Variants in FAM135B observed in about 807,000 individuals in gnomAD.
The protein encoded by FAM135B is protein FAM135B.
Under a neutral mutation model 127.7 loss-of-function variants are expected in FAM135B, and 43 were observed. The ratio of observed to expected loss-of-function variants is 0.34; its 90% CI spans 0.26 to 0.43. The LOEUF is 0.43. Among genes scored for constraint, FAM135B ranks in the 20% least tolerant of loss-of-function variants. FAM135B has a pLI of 1.00. For missense variants in FAM135B, 1,558 were observed against 1,725.6 expected, an observed-to-expected ratio of 0.90 and a Z score of 1.72; for synonymous variants, 670 against 665.1, an observed-to-expected ratio of 1.01 and a Z score of -0.11.
chr8:138,158,576 A>G lies in FAM135B; in HGVS notation c.1259-5360T>C, dbSNP rs532029723. ...GGGCTAAGATCAAGAATCTACAAAG[A>G]ACTTAAACAAATTTACAAGAAAAAA... On this transcript the variant is annotated intron_variant, in intron 12 of 19. Coordinates refer to ENST00000395297, the MANE Select transcript of FAM135B (RefSeq NM_015912.4). Among the ~76,000 whole-genome samples the G allele has an allele frequency of 7.2e-5, 11 of 152,338 alleles. No homozygotes were observed. The East Asian group carries it at 1.5e-3, about 21-fold the overall frequency.
intron 1 of FAM135B, among the ~76,000 whole-genome samples, chr8:138,378,202 G>C (rs1003914016): frequency 1.3e-5 from 2 of 152,196 alleles, no homozygotes; most frequent in Non-Finnish European, 2.9e-5. Flanking sequence ...CCTGAGCAGA[G>C]AAAGTCAAGT....
At chr8:138,295,029 T>C (rs1825375160) in intron 3 of FAM135B, among the ~76,000 whole-genome samples, 1 of 151,198 alleles carries the variant, frequency 6.6e-6, no homozygotes, top group Admixed American at 6.6e-5. Flanking sequence ...ACTGGCCACA[T>C]AGAAGAGCTG....
intron 2 of FAM135B, among the ~76,000 whole-genome samples, chr8:138,328,596 G>C (rs1451708898): frequency 1.3e-5 from 2 of 152,146 alleles, no homozygotes; most frequent in East Asian, 3.8e-4. Flanking sequence ...AGTGCAAACA[G>C]ACATTTCCTT....
intron 3 of FAM135B, among the ~76,000 whole-genome samples, 191 bp downstream of exon 3, chr8:138,310,650 C>G (rs1460357318): frequency 6.6e-6 from 1 of 152,348 alleles, no homozygotes; most frequent in Non-Finnish European, 1.5e-5. Context: ...AAGCCAGGTT[C>G]CCCTTGCCAC....
At position 138,258,111 on chromosome 8, in the gene FAM135B, G is replaced by A. The variant is rs138832590; in HGVS notation, c.298-1352C>T. Among the ~76,000 whole-genome samples, 240 of 152,294 alleles carry A rather than the reference G, an allele frequency of 1.6e-3. 1 individual carries two copies. Among genetic ancestry groups the A allele is most frequent in the African/African-American group, 5.6e-3 (232 of 41,570 alleles). ...CCTTATATGATTAAGAGAGAGACTAGTTTTAATTCATTCTTGATCCCTTGC... is the reference window on the plus strand; with the variant it reads ...CCTTATATGATTAAGAGAGAGACTAATTTTAATTCATTCTTGATCCCTTGC... On this transcript the variant is annotated intron_variant, in intron 4 of 19. Transcript: ENST00000395297.
intron 1 of FAM135B, among the ~76,000 whole-genome samples, chr8:138,461,546 G>C (rs879762348): frequency 6.6e-6 from 1 of 152,122 alleles, no homozygotes; most frequent in African/African-American, 2.4e-5. Flanking sequence ...TCCATGTCAA[G>C]GTATGCAAAT....
At chr8:138,473,398 T>G (rs185814201) in intron 1 of FAM135B, among the ~76,000 whole-genome samples, 19 of 152,250 alleles carry the variant, frequency 1.2e-4, no homozygotes, top group Middle Eastern at 3.4e-3. Flanking sequence ...ACAACCCTCC[T>G]GTATAAGGGG....
intron 9 of FAM135B, among the ~76,000 whole-genome samples, chr8:138,183,381 T>C (rs1312861282): frequency 6.6e-6 from 1 of 152,148 alleles, no homozygotes; most frequent in Non-Finnish European, 1.5e-5. Flanking sequence ...CAAAGCTCTG[T>C]TTAGTTGCCA....
intron 2 of FAM135B, among the ~76,000 whole-genome samples, chr8:138,359,828 C>T (rs906442711): frequency 5.9e-5 from 9 of 152,142 alleles, no homozygotes; most frequent in African/African-American, 2.2e-4. Flanking sequence ...CAGGTAGAAA[C>T]ACAAGATGAC....
chr8:138,188,893 C>T (rs546262795), intron 9 of FAM135B, among the ~76,000 whole-genome samples: 325 of 152,300 alleles, frequency 2.1e-3, no homozygotes, highest in African/African-American at 7.3e-3. Context: ...CCTGGGATCC[C>T]TCTACCACAT....
intron 9 of FAM135B, among the ~76,000 whole-genome samples, chr8:138,182,492 A>G (rs886573368): frequency 1.3e-5 from 2 of 151,644 alleles, no homozygotes; most frequent in Non-Finnish European, 2.9e-5. Context: ...TCACTCCCCT[A>G]CTCCCTTGCT....
chr8:138,274,707 C>G (rs956279208), intron 3 of FAM135B, among the ~76,000 whole-genome samples: 1 of 152,084 alleles, frequency 6.6e-6, no homozygotes, highest in Non-Finnish European at 1.5e-5. Flanking sequence ...AGAGACCTAC[C>G]CCCAGCTGCA....
At chr8:138,406,263 A>G (rs1275289177) in intron 1 of FAM135B, among the ~76,000 whole-genome samples, 2 of 152,106 alleles carry the variant, frequency 1.3e-5, no homozygotes, top group East Asian at 1.9e-4. Flanking sequence ...TGTGGCAATA[A>G]TCAATAGCTT....
intron 6 of FAM135B, among the ~76,000 whole-genome samples, chr8:138,244,281 C>A (rs1190282989): frequency 1.4e-5 from 2 of 145,686 alleles, no homozygotes; most frequent in Non-Finnish European, 3.0e-5. Flanking sequence ...TGCAGGAGAG[C>A]AATTTATGAT....
chr8:138,250,091 G>T (rs1010666767), intron 6 of FAM135B, among the ~76,000 whole-genome samples: 1 of 152,122 alleles, frequency 6.6e-6, no homozygotes, highest in Non-Finnish European at 1.5e-5. Context: ...GGTGGCTCAC[G>T]CCTGTAATCC....
chr8:138,268,980 A>G (rs1049211754), intron 3 of FAM135B, among the ~76,000 whole-genome samples: 1 of 152,190 alleles, frequency 6.6e-6, no homozygotes, highest in Admixed American at 6.5e-5. Context: ...GAAGAAGGAA[A>G]GGGAATGTGA....
intron 2 of FAM135B, among the ~76,000 whole-genome samples, chr8:138,341,896 A>G (rs907628): frequency 0.99 from 151,460 of 152,284 alleles, 75,326 homozygotes; most frequent in East Asian, 1. Context: ...CCAGAAGTTC[A>G]CTAATAAGCC....
In FAM135B at chr8:138,142,351, A is replaced by AGTG. The variant is rs1358060872; in HGVS notation, c.3638+658_3638+660dup. ...AGTCTCACTCTGTCGCCCAGGCTGG[A>AGTG]GTGCAGTGGCGCAATAATCTCGGCT... is the stretch of plus-strand genomic sequence containing the variant. On this transcript the variant is annotated intron_variant, in intron 16 of 19. Coordinates refer to ENST00000395297, the MANE Select transcript of FAM135B (RefSeq NM_015912.4). 2.5e-5 allele frequency among the ~76,000 whole-genome samples: 3 copies of AGTG among 117,656 alleles called. No homozygotes were observed. In the East Asian group the frequency reaches 8.3e-4, roughly 33 times the overall value. The allele number at this position is 117,656 out of a possible 152,430, so 77.2% of individuals were successfully genotyped here. A position where few individuals can be genotyped will look rare whatever the true frequency, so the allele number is the denominator to read the frequency against.
At chr8:138,268,838 G>T (rs560918431) in intron 3 of FAM135B, among the ~76,000 whole-genome samples, 1 of 152,306 alleles carries the variant, frequency 6.6e-6, no homozygotes, top group East Asian at 1.9e-4. Flanking sequence ...TACTCAAGGG[G>T]TCCAATGAGA....
Sources: allele counts gnomAD v4.1 joint callset (sites outside exome capture counted in the v4.1 genomes callset), GRCh38; gene constraint gnomAD v4.1.1; transcripts MANE v1.5; gene names NCBI Gene and HGNC (gene_info 2026-07-23, HGNC 2026-07-21).